EFCAB8: variants seen among roughly 807,000 people sequenced by gnomAD.
EFCAB8 encodes the protein EF-hand calcium-binding domain-containing protein 8.
EFCAB8 carries 100 observed loss-of-function variants against 116.3 expected under a neutral mutation model. The ratio of observed to expected loss-of-function variants is 0.86; its 90% CI spans 0.73 to 1.02. EFCAB8 has a LOEUF of 1.02. EFCAB8 is among the 50% of genes least tolerant of loss of function. EFCAB8 has a pLI of 0.00. For missense variants in EFCAB8, 1,320 were observed against 1,416.9 expected (o/e 0.93, Z 1.10); for synonymous variants, 558 against 567.9 (o/e 0.98, Z 0.25).
rs1239970216 is a variant in EFCAB8 at position 32,889,328 on chromosome 20, C to A, written c.595C>A (p.Gln199Lys). 2.6e-6 allele frequency: 4 copies of A among 1,551,780 alleles called. No homozygotes were observed. Among genetic ancestry groups the A allele is most frequent in the Non-Finnish European group, 3.5e-6 (4 of 1,147,024 alleles). ...TAACCAGACCCAGCAGCTCTACAAC[C>A]AGCCGATGTGGGTCATTGACATGGT... ...RLNQTQQLYN[Q>K]PMWVIDMVCL... The change falls in exon 7 of 27, where the codon CAG (glutamine) becomes AAG (lysine). Residue 199 changes from glutamine (Q) to lysine (K), a missense_variant. Gln to Lys is a moderately conservative substitution (Grantham distance 53). Transcript: ENST00000400522.
At chr20:32,875,106 G>T (rs1047528617) in intron 3 of EFCAB8, among the ~76,000 whole-genome samples, 3 of 152,182 alleles carry the variant, frequency 2.0e-5, no homozygotes, top group Non-Finnish European at 4.4e-5. Context: ...TTTGTTAATT[G>T]TATGGAAATG....
At chr20:32,878,360 T>C (rs1019627197) in intron 4 of EFCAB8, among the ~76,000 whole-genome samples, 2 of 151,956 alleles carry the variant, frequency 1.3e-5, no homozygotes, top group African/African-American at 4.8e-5. Context: ...ACCACTGCAC[T>C]CCAGCCTGAG....
intron 11 of EFCAB8, among the ~76,000 whole-genome samples, chr20:32,900,335 G>A (rs377504280): frequency 6.6e-6 from 1 of 152,130 alleles, no homozygotes; most frequent in East Asian, 1.9e-4. Flanking sequence ...TTTATCTTGG[G>A]CCTCATTATA....
intron 17 of EFCAB8, among the ~76,000 whole-genome samples, chr20:32,914,900 A>ATTTT: frequency 6.7e-6 from 1 of 149,362 alleles, no homozygotes; most frequent in African/African-American, 2.5e-5. Flanking sequence ...TTCTGCTTCC[A>ATTTT]TTTTTTTTTT....
intron 23 of EFCAB8, among the ~76,000 whole-genome samples, chr20:32,946,416 G>T (rs575344332): frequency 6.6e-6 from 1 of 151,980 alleles, no homozygotes; most frequent in Non-Finnish European, 1.5e-5. Flanking sequence ...TGTTTTTTTG[G>T]TTTTTGTTTG....
At chr20:32,903,262 C>T (rs1039532856) in intron 11 of EFCAB8, among the ~76,000 whole-genome samples, 12 of 152,224 alleles carry the variant, frequency 7.9e-5, no homozygotes, top group African/African-American at 2.4e-4. Flanking sequence ...CTGGGCTCCC[C>T]GGGGCTGACT....
At chr20:32,870,619 C>A (rs1391000795) in intron 3 of EFCAB8, among the ~76,000 whole-genome samples, 1 of 152,046 alleles carries the variant, frequency 6.6e-6, no homozygotes, top group East Asian at 1.9e-4. Context: ...CTGTCTCAGC[C>A]TCTGGAGTAG....
intron 5 of EFCAB8, 79 bp downstream of exon 5, chr20:32,878,886 T>C: frequency 8.0e-7 from 1 of 1,252,204 alleles, no homozygotes; most frequent in South Asian, 1.3e-5. Context: ...AGCCCCTCCC[T>C]CAATCCGTGA....
At chr20:32,874,985 G>A (rs1356845340) in intron 3 of EFCAB8, among the ~76,000 whole-genome samples, 1 of 152,166 alleles carries the variant, frequency 6.6e-6, no homozygotes, top group East Asian at 1.9e-4. Context: ...CTAGCCTCAG[G>A]TGATCTTCCC....
intron 12 of EFCAB8, 106 bp downstream of exon 12, chr20:32,906,735 G>A (rs1184468499): frequency 1.4e-6 from 1 of 728,632 alleles, no homozygotes; most frequent in East Asian, 2.7e-5. Flanking sequence ...GCCTCTGTCT[G>A]GCTTCCTCTC....
intron 19 of EFCAB8, among the ~76,000 whole-genome samples, chr20:32,919,359 A>G (rs1022572990): frequency 1.3e-5 from 2 of 152,194 alleles, no homozygotes; most frequent in Non-Finnish European, 1.5e-5. Context: ...ATGGTCTGCT[A>G]GGATATAATT....
At chr20:32,938,249 C>T (rs1600451003) in intron 22 of EFCAB8, among the ~76,000 whole-genome samples, 1 of 149,858 alleles carries the variant, frequency 6.7e-6, no homozygotes, top group African/African-American at 2.5e-5. Flanking sequence ...GAGCATTTAA[C>T]AAAATTGAAC....
chr20:32,879,752 C>T (rs570128796), intron 5 of EFCAB8, among the ~76,000 whole-genome samples: 2 of 152,250 alleles, frequency 1.3e-5, no homozygotes, highest in African/African-American at 4.8e-5. Context: ...CTTTGGGCAC[C>T]CCTCACATGA....
intron 22 of EFCAB8, among the ~76,000 whole-genome samples, chr20:32,937,681 T>TGGAGTACAATACTGTGCTAAGTGAAA (rs1203519273): frequency 7.6e-5 from 10 of 130,842 alleles, no homozygotes; most frequent in Non-Finnish European, 1.4e-4. Context: ...TACAATGGTG[T>TGGAGTACAATACTGTGCTAAGTGAAA]GATCTTGACT....
At chr20:32,903,207 G>A (rs954915513) in intron 11 of EFCAB8, among the ~76,000 whole-genome samples, 9 of 152,102 alleles carry the variant, frequency 5.9e-5, no homozygotes, top group East Asian at 5.8e-4. Context: ...CCACCACACC[G>A]GCCTTGCATA....
At chr20:32,939,123 TTCTC>T (rs200405358) in intron 22 of EFCAB8, among the ~76,000 whole-genome samples, 4 of 112,748 alleles carry the variant, frequency 3.5e-5, no homozygotes, top group Admixed American at 1.8e-4. Context: ...CTCTCTTTCT[TTCTC>T]TTTCTTTCTT....
chr20:32,882,697 G>A (rs1985404020), intron 5 of EFCAB8, among the ~76,000 whole-genome samples: 5 of 146,418 alleles, frequency 3.4e-5, no homozygotes, highest in African/African-American at 1.3e-4. Context: ...ATTTTTTGTT[G>A]TTGTTGTTGT....
At chr20:32,859,562 A>G (rs17123726) in intron 1 of EFCAB8, among the ~76,000 whole-genome samples, 2,283 of 152,328 alleles carry the variant, frequency 0.015, 26 homozygotes, top group South Asian at 0.044. Flanking sequence ...GGTGAAAGAC[A>G]TTTATCTTAC....
intron 22 of EFCAB8, among the ~76,000 whole-genome samples, chr20:32,931,753 G>A (rs776937676): frequency 3.5e-5 from 5 of 144,888 alleles, no homozygotes; most frequent in African/African-American, 4.9e-5. Flanking sequence ...GCAAGACTTC[G>A]TTTCAAAAAA....
Sources: allele counts gnomAD v4.1 joint callset (sites outside exome capture counted in the v4.1 genomes callset), GRCh38; gene constraint gnomAD v4.1.1; transcripts MANE v1.5; gene names NCBI Gene and HGNC (gene_info 2026-07-23, HGNC 2026-07-21).